KIAA1217: variants seen among roughly 807,000 people sequenced by gnomAD.
KIAA1217 encodes sickle tail protein homolog.
A neutral mutation model predicts 163.9 loss-of-function variants in KIAA1217; 88 were observed. That is an observed-to-expected ratio of 0.54 (90% CI 0.45 to 0.64). The LOEUF (loss-of-function observed/expected upper bound fraction) is 0.64. KIAA1217 is among the 30% of genes least tolerant of loss of function. KIAA1217 has a pLI of 0.00. For missense variants in KIAA1217, 2,372 were observed against 2,475.0 expected, an observed-to-expected ratio of 0.96 and a Z score of 0.88; for synonymous variants, 903 against 923.1, an observed-to-expected ratio of 0.98 and a Z score of 0.39.
At chr10:24,053,402 TATC>T (rs1443024095) in intron 2 of KIAA1217, among the ~76,000 whole-genome samples, 1 of 152,152 alleles carries the variant, frequency 6.6e-6, no homozygotes, top group Non-Finnish European at 1.5e-5. Flanking sequence ...TCTGACAGCT[TATC>T]ATATGCGTTA....
intron 1 of KIAA1217, among the ~76,000 whole-genome samples, chr10:23,870,184 C>T (rs575402674): frequency 1.3e-5 from 2 of 152,194 alleles, no homozygotes; most frequent in Middle Eastern, 6.8e-3. Flanking sequence ...ATTAGTTACT[C>T]TCTATGCAGG....
chr10:23,969,872 G>A (rs937679821), intron 1 of KIAA1217, among the ~76,000 whole-genome samples: 2 of 152,196 alleles, frequency 1.3e-5, no homozygotes, highest in Admixed American at 6.5e-5. Context: ...ACAGTTCCAC[G>A]TGGGTGGGGA....
chr10:23,766,594 C>T (rs7086514), intron 1 of KIAA1217, among the ~76,000 whole-genome samples: 32,959 of 127,180 alleles, frequency 0.26, 4,388 homozygotes, highest in African/African-American at 0.38. Flanking sequence ...TTTCTTTTTT[C>T]TTTTTTTTTT....
At chr10:24,017,037 T>C (rs1847509121) in intron 2 of KIAA1217, among the ~76,000 whole-genome samples, 1 of 99,208 alleles carries the variant, frequency 1.0e-5, no homozygotes, top group African/African-American at 3.8e-5. Flanking sequence ...AGTTAGTTTT[T>C]TTGTTTTTTT....
intron 1 of KIAA1217, among the ~76,000 whole-genome samples, chr10:23,846,100 T>G (rs1195046950): frequency 6.6e-6 from 1 of 152,194 alleles, no homozygotes. Flanking sequence ...TATAACTGTT[T>G]TGGTACCAGT....
At chr10:23,922,975 A>T (rs1842900505) in intron 1 of KIAA1217, among the ~76,000 whole-genome samples, 1 of 152,216 alleles carries the variant, frequency 6.6e-6, no homozygotes, top group Non-Finnish European at 1.5e-5. Flanking sequence ...TTTTGGGGGA[A>T]CAGATGGTGT....
chr10:23,697,747 T>C (rs986938286), intron 1 of KIAA1217, among the ~76,000 whole-genome samples: 2 of 151,656 alleles, frequency 1.3e-5, no homozygotes, highest in African/African-American at 4.8e-5. Flanking sequence ...CATGGTGATG[T>C]GCACCTGTGA....
In KIAA1217 at chr10:24,521,408, G is replaced by A. The variant is rs564862363; in HGVS notation, c.2309-374G>A. Among the ~76,000 whole-genome samples, 7 of 152,260 alleles carry A rather than the reference G, an allele frequency of 4.6e-5. No individual in the cohort carries two copies. The South Asian group carries it at 1.5e-3, about 32-fold the overall frequency. On this transcript the variant is annotated intron_variant, in intron 11 of 20. Coordinates refer to ENST00000376454, the MANE Select transcript of KIAA1217 (RefSeq NM_019590.5). ...AATAGTCCCAGCTATCCAGGAAGCT[G>A]AGGCAGGAGGATCGCTTGAGCCCAG...
intron 2 of KIAA1217, among the ~76,000 whole-genome samples, chr10:24,071,686 C>A (rs1165097075): frequency 2.6e-5 from 4 of 152,082 alleles, no homozygotes; most frequent in Non-Finnish European, 4.4e-5. Context: ...TATATTTGCA[C>A]TGTGTTGAAT....
chr10:24,029,396 C>A (rs1202440113), intron 2 of KIAA1217, among the ~76,000 whole-genome samples: 1 of 152,092 alleles, frequency 6.6e-6, no homozygotes, highest in Admixed American at 6.6e-5. Context: ...GTAAATTCTT[C>A]CTTTCATCTA....
intron 1 of KIAA1217, among the ~76,000 whole-genome samples, chr10:23,778,803 T>C (rs1032100429): frequency 6.6e-6 from 1 of 152,180 alleles, no homozygotes; most frequent in African/African-American, 2.4e-5. Context: ...ATAAAGGGAT[T>C]GGTTTCCTGG....
chr10:24,155,432 G>A lies in KIAA1217; in HGVS notation c.-170-64194G>A, dbSNP rs868544963. ...TACACAAGAAAACTGAGGTCTGGAG[G>A]AATTGAATGATTTGCCTAAAATGAC... On this transcript the variant is annotated intron_variant, in intron 2 of 18. Transcript: ENST00000376462. Among the ~76,000 whole-genome samples the A allele has an allele frequency of 5.3e-5, 8 of 152,260 alleles. No individual in the cohort carries two copies. In the South Asian group the frequency reaches 8.3e-4, roughly 16 times the overall value.
rs200547913 is a variant in KIAA1217 at position 23,790,322 on chromosome 10, C to T, written c.-321+95088C>T. 2.4e-3 allele frequency among the ~76,000 whole-genome samples: 20 copies of T among 8,224 alleles called. 1 individual carries two copies. Among genetic ancestry groups the T allele is most frequent in the Non-Finnish European group, 6.4e-3 (16 of 2,492 alleles). The allele number at this position is 8,224 out of a possible 152,430, so 5.4% of individuals were successfully genotyped here. A position where few individuals can be genotyped will look rare whatever the true frequency, so the allele number is the denominator to read the frequency against. On this transcript the variant is annotated intron_variant, in intron 1 of 18. Coordinates refer to the KIAA1217 transcript ENST00000376462. The stretch of plus-strand genomic sequence containing the variant: ...GCACATATGCATATATACATATGCA[C>T]ATATGCATATATGCATATATACATA...
At chr10:24,188,975 A>T (rs2066578546) in intron 2 of KIAA1217, among the ~76,000 whole-genome samples, 1 of 151,874 alleles carries the variant, frequency 6.6e-6, no homozygotes. Context: ...GCGTGGTGGC[A>T]GGTGCCTGTA....
At chr10:23,782,328 A>G (rs1054022940) in intron 1 of KIAA1217, among the ~76,000 whole-genome samples, 6 of 152,194 alleles carry the variant, frequency 3.9e-5, no homozygotes, top group African/African-American at 1.4e-4. Context: ...ATGCTATTAC[A>G]AATGGGATAG....
chr10:23,879,654 A>G (rs1181224032), intron 1 of KIAA1217, among the ~76,000 whole-genome samples: 1 of 151,946 alleles, frequency 6.6e-6, no homozygotes, highest in East Asian at 1.9e-4. Context: ...GACAGATTGG[A>G]ACCAGTCCTT....
At chr10:23,739,796 C>A (rs1839006810) in intron 1 of KIAA1217, among the ~76,000 whole-genome samples, 2 of 152,150 alleles carry the variant, frequency 1.3e-5, no homozygotes, top group African/African-American at 4.8e-5. Context: ...CCTTGTGATT[C>A]CAGTGAGACA....
chr10:24,446,396 A>T (rs1299414984), intron 5 of KIAA1217, among the ~76,000 whole-genome samples: 1 of 152,094 alleles, frequency 6.6e-6, no homozygotes, highest in African/African-American at 2.4e-5. Flanking sequence ...AAATATATCC[A>T]TTAAAAAAAG....
intron 1 of KIAA1217, among the ~76,000 whole-genome samples, chr10:24,006,757 C>A (rs1410339938): frequency 1.3e-5 from 2 of 152,188 alleles, no homozygotes; most frequent in Non-Finnish European, 2.9e-5. Flanking sequence ...TTTGGCATGG[C>A]TGAGGGAACC....
Sources: gnomAD v4.1 joint callset for allele counts (sites outside exome capture counted in the v4.1 genomes callset) on GRCh38, gnomAD v4.1.1 for gene constraint, MANE v1.5 for transcripts, NCBI Gene and HGNC (gene_info 2026-07-23, HGNC 2026-07-21) for gene names.